The following HTR1F variants were observed in gnomAD, a reference collection of about 807,000 sequenced individuals.
HTR1F encodes 5-hydroxytryptamine receptor 1F.
A neutral mutation model predicts 24.0 loss-of-function variants in HTR1F; 17 were observed. That is an observed-to-expected ratio of 0.71 (90% CI 0.48 to 1.06). The LOEUF is 1.06. HTR1F is among the 50% of genes least tolerant of loss of function. The pLI is 0.00. For synonymous variants in HTR1F, 186 were observed against 156.8 expected, an observed-to-expected ratio of 1.19 and a Z score of -1.39; for missense variants, 391 against 427.8, an observed-to-expected ratio of 0.91 and a Z score of 0.76.
intron 2 of HTR1F, among the ~76,000 whole-genome samples, chr3:87,968,962 G>A (rs907475822): frequency 2.0e-5 from 3 of 152,240 alleles, no homozygotes; most frequent in Non-Finnish European, 2.9e-5. Flanking sequence ...TACAGCTTGG[G>A]CCATGGATTC....
chr3:87,806,816 G>T (rs1363920992), intron 1 of HTR1F, among the ~76,000 whole-genome samples: 1 of 152,032 alleles, frequency 6.6e-6, no homozygotes, highest in East Asian at 1.9e-4. Flanking sequence ...GTTGATTTTT[G>T]TTTATGGTGA....
At chr3:87,914,806 C>T (rs911173051) in intron 2 of HTR1F, among the ~76,000 whole-genome samples, 2 of 152,034 alleles carry the variant, frequency 1.3e-5, no homozygotes, top group African/African-American at 4.8e-5. Context: ...AGTTCTAGGG[C>T]CCCACCCACC....
At chr3:87,969,763 A>G (rs6792557) in intron 2 of HTR1F, among the ~76,000 whole-genome samples, 93,426 of 151,982 alleles carry the variant, frequency 0.61, 30,624 homozygotes, top group South Asian at 0.81. Context: ...GGGAGGGGCC[A>G]GGGTGGAATA....
At chr3:87,867,003 C>A (rs1559611644) in intron 2 of HTR1F, among the ~76,000 whole-genome samples, 1 of 151,786 alleles carries the variant, frequency 6.6e-6, no homozygotes, top group Non-Finnish European at 1.5e-5. Flanking sequence ...AGTTTATAAA[C>A]AAAATACTGA....
intron 2 of HTR1F, among the ~76,000 whole-genome samples, chr3:87,869,710 C>T (rs1047438817): frequency 6.6e-6 from 1 of 152,134 alleles, no homozygotes; most frequent in African/African-American, 2.4e-5. Context: ...GCGGGAGAAG[C>T]CTTTCGGTCC....
chr3:87,873,117 CACACACACACACACACAG>C (rs1705594384), intron 2 of HTR1F, among the ~76,000 whole-genome samples: 1 of 141,236 alleles, frequency 7.1e-6, no homozygotes, highest in Non-Finnish European at 1.6e-5. Context: ...CACACACACA[CACACACACACACACACAG>C]AGAGATTTAT....
chr3:87,808,966 G>A (rs1266454343), intron 1 of HTR1F, among the ~76,000 whole-genome samples: 2 of 151,664 alleles, frequency 1.3e-5, no homozygotes, highest in Non-Finnish European at 3.0e-5. Flanking sequence ...AATATTTTAT[G>A]TGGTTTCTAT....
intron 2 of HTR1F, among the ~76,000 whole-genome samples, chr3:87,837,335 C>T (rs1313636688): frequency 6.6e-6 from 1 of 152,068 alleles, no homozygotes; most frequent in Non-Finnish European, 1.5e-5. Context: ...AGAAATAAGG[C>T]AGTCGTCAAC....
chr3:87,920,981 T>C (rs543056597), intron 2 of HTR1F, among the ~76,000 whole-genome samples: 2 of 152,204 alleles, frequency 1.3e-5, no homozygotes, highest in South Asian at 4.1e-4. Flanking sequence ...TAATTTACTA[T>C]CTTACTATCT....
intron 2 of HTR1F, among the ~76,000 whole-genome samples, chr3:87,837,273 T>C (rs1704701912): frequency 6.6e-6 from 1 of 152,132 alleles, no homozygotes; most frequent in Non-Finnish European, 1.5e-5. Context: ...TCTTTCTCCA[T>C]ATTCTCAGTT....
chr3:87,903,733 T>C (rs142153982), intron 2 of HTR1F, among the ~76,000 whole-genome samples: 5,622 of 152,184 alleles, frequency 0.037, 346 homozygotes, highest in African/African-American at 0.13. Context: ...CTCAGGGATC[T>C]AGAACTAGAA....
intron 2 of HTR1F, among the ~76,000 whole-genome samples, chr3:87,886,625 T>A (rs1705950891): frequency 6.6e-6 from 1 of 152,150 alleles, no homozygotes; most frequent in Non-Finnish European, 1.5e-5. Context: ...CTTAACCTGA[T>A]AAGCAACTCA....
chr3:87,895,739 A>C (rs1394790221), intron 2 of HTR1F, among the ~76,000 whole-genome samples: 1 of 152,212 alleles, frequency 6.6e-6, no homozygotes, highest in Non-Finnish European at 1.5e-5. Flanking sequence ...TAGATAAAAA[A>C]ACTTTTTCTT....
intron 2 of HTR1F, among the ~76,000 whole-genome samples, chr3:87,831,233 C>A (rs1470356541): frequency 6.6e-6 from 1 of 151,434 alleles, no homozygotes; most frequent in Non-Finnish European, 1.5e-5. Flanking sequence ...ATAATCTAAT[C>A]AAGGTGAACA....
intron 2 of HTR1F, among the ~76,000 whole-genome samples, chr3:87,832,173 T>C (rs1704593351): frequency 6.6e-6 from 1 of 152,154 alleles, no homozygotes; most frequent in African/African-American, 2.4e-5. Context: ...GTATCTTCCA[T>C]GTGTCTTGAA....
chr3:87,825,171 C>A (rs185971752), intron 2 of HTR1F, among the ~76,000 whole-genome samples: 20 of 152,166 alleles, frequency 1.3e-4, no homozygotes, highest in African/African-American at 4.3e-4. Context: ...AATGGACTCT[C>A]AAGTATGATT....
chr3:87,848,393 T>C (rs1324291973), intron 2 of HTR1F, among the ~76,000 whole-genome samples: 1 of 151,874 alleles, frequency 6.6e-6, no homozygotes, highest in Non-Finnish European at 1.5e-5. Flanking sequence ...GTTGTTGGAA[T>C]TCCTTGTACA....
intron 2 of HTR1F, among the ~76,000 whole-genome samples, chr3:87,967,126 T>C (rs1215330578): frequency 1.3e-5 from 2 of 152,122 alleles, no homozygotes; most frequent in Non-Finnish European, 2.9e-5. Context: ...GTTTAACTCT[T>C]TTGCTTATAG....
At chr3:87,798,125 T>C (rs1703935048) in intron 1 of HTR1F, among the ~76,000 whole-genome samples, 1 of 152,138 alleles carries the variant, frequency 6.6e-6, no homozygotes, top group South Asian at 2.1e-4. Context: ...ATCATCACTC[T>C]CATCAAATCT....
Sources: gnomAD v4.1 joint callset for allele counts (sites outside exome capture counted in the v4.1 genomes callset) on GRCh38, gnomAD v4.1.1 for gene constraint, MANE v1.5 for transcripts, NCBI Gene and HGNC (gene_info 2026-07-23, HGNC 2026-07-21) for gene names.